The following NGLY1 variants were observed in gnomAD, a reference collection of about 807,000 sequenced individuals.
NGLY1 encodes peptide-N(4)-(N-acetyl-beta-glucosaminyl)asparagine amidase.
Under a neutral mutation model 84.6 loss-of-function variants are expected in NGLY1, and 68 were observed. That is an observed-to-expected ratio of 0.80 (90% CI 0.66 to 0.98). The LOEUF (loss-of-function observed/expected upper bound fraction) is 0.98, where lower values mean the gene tolerates loss of function less well. Ranked by LOEUF, NGLY1 falls within the 50% of genes least tolerant of loss-of-function variation. The probability of loss-of-function intolerance (pLI) is 0.00; values close to 1 mark genes in which losing one functional copy is unlikely to be tolerated. For synonymous variants in NGLY1, 280 were observed against 275.2 expected (o/e 1.02, Z -0.17); for missense variants, 779 against 770.2 (o/e 1.01, Z -0.14).
exon 1 of NGLY1, chr3:25,790,037 A>C (rs1708692236): frequency 1.3e-6 from 1 of 780,354 alleles, no homozygotes; most frequent in East Asian, 2.7e-5. Context: ...TGCGTGGGAA[A>C]GCGCATGAGC....
chr3:25,720,245 T>C (rs1161601763), intron 10 of NGLY1, 54 bp from the exon 11 acceptor site: 14 of 1,421,264 alleles, frequency 9.9e-6, no homozygotes, highest in Middle Eastern at 1.8e-4. Flanking sequence ...TGAAATAGTA[T>C]AGAAAACAAA....
At chr3:25,758,300 G>A (rs1214292728) in intron 3 of NGLY1, among the ~76,000 whole-genome samples, 1 of 152,164 alleles carries the variant, frequency 6.6e-6, no homozygotes, top group African/African-American at 2.4e-5. Flanking sequence ...TTTTGGTGGA[G>A]CATGGTGGCT....
intron 2 of NGLY1, among the ~76,000 whole-genome samples, chr3:25,766,135 G>A (rs143687495): frequency 0.014 from 2,077 of 149,854 alleles, 53 homozygotes; most frequent in Non-Finnish European, 0.014. Context: ...GTGTGATCTC[G>A]GCTCACTGCA....
At chr3:25,731,158 T>C (rs1393292927) in intron 9 of NGLY1, among the ~76,000 whole-genome samples, 1 of 152,078 alleles carries the variant, frequency 6.6e-6, no homozygotes, top group Non-Finnish European at 1.5e-5. Context: ...ATCAGATATA[T>C]GCAAGCATAT....
chr3:25,768,821 C>A (rs908185808), intron 2 of NGLY1, among the ~76,000 whole-genome samples: 5 of 151,532 alleles, frequency 3.3e-5, no homozygotes, highest in African/African-American at 1.2e-4. Flanking sequence ...GGATTACAGG[C>A]GTGAGCCACG....
intron 3 of NGLY1, among the ~76,000 whole-genome samples, chr3:25,759,435 G>A (rs1464076619): frequency 6.6e-6 from 1 of 151,864 alleles, no homozygotes; most frequent in Non-Finnish European, 1.5e-5. Flanking sequence ...TACCAAGAAG[G>A]TAAGAATTCA....
intron 10 of NGLY1, among the ~76,000 whole-genome samples, chr3:25,721,768 AAAAAAAG>A (rs1205938917): frequency 3.1e-4 from 46 of 150,800 alleles, no homozygotes; most frequent in Non-Finnish European, 5.5e-4. Context: ...AAAAAAAAAA[AAAAAAAG>A]AAAAGAAAAA....
intron 10 of NGLY1, among the ~76,000 whole-genome samples, chr3:25,727,644 G>A (rs755113174): frequency 5.3e-5 from 8 of 152,124 alleles, no homozygotes; most frequent in Non-Finnish European, 7.4e-5. Flanking sequence ...CTTTTAGATC[G>A]TGAGGTCAGG....
intron 5 of NGLY1, 129 bp downstream of exon 5, chr3:25,739,448 G>T (rs968127933): frequency 6.8e-6 from 6 of 883,058 alleles, no homozygotes; most frequent in Non-Finnish European, 1.0e-5. Flanking sequence ...TGCCAGCCAC[G>T]GTTTGCTCAC....
intron 8 of NGLY1, among the ~76,000 whole-genome samples, chr3:25,733,158 G>T (rs867906405): frequency 6.6e-6 from 1 of 152,124 alleles, no homozygotes; most frequent in African/African-American, 2.4e-5. Flanking sequence ...TTCAGGTAGA[G>T]ATCTCCGAAG....
chr3:25,735,962 T>C (rs779639369), intron 7 of NGLY1, 42 bp downstream of exon 7: 1 of 1,498,630 alleles, frequency 6.7e-7, no homozygotes, highest in Non-Finnish European at 9.0e-7. Context: ...GAAAAAAATA[T>C]ATTTTACTTT....
At chr3:25,776,771 A>T (rs760900571) in intron 2 of NGLY1, among the ~76,000 whole-genome samples, 1 of 152,202 alleles carries the variant, frequency 6.6e-6, no homozygotes, top group Non-Finnish European at 1.5e-5. Context: ...AATCACCAGT[A>T]AGTCCTGTTG....
intron 2 of NGLY1, among the ~76,000 whole-genome samples, chr3:25,766,389 G>C (rs1233806450): frequency 1.3e-5 from 2 of 152,056 alleles, no homozygotes; most frequent in Non-Finnish European, 2.9e-5. Context: ...AAAATACAAA[G>C]GCTCAGGGAA....
At chr3:25,738,607 T>C (rs1252632648) in intron 5 of NGLY1, among the ~76,000 whole-genome samples, 1 of 152,044 alleles carries the variant, frequency 6.6e-6, no homozygotes, top group Non-Finnish European at 1.5e-5. Flanking sequence ...TAAATGAATT[T>C]ATAACTTAGG....
At chr3:25,742,331 G>A (rs573796271) in intron 4 of NGLY1, among the ~76,000 whole-genome samples, 2 of 152,208 alleles carry the variant, frequency 1.3e-5, no homozygotes, top group South Asian at 4.1e-4. Flanking sequence ...CATCAATAGG[G>A]AATTGTATAA....
intron 1 of NGLY1, among the ~76,000 whole-genome samples, chr3:25,779,202 G>T (rs926912825): frequency 6.6e-6 from 1 of 152,036 alleles, no homozygotes; most frequent in African/African-American, 2.4e-5. Flanking sequence ...CTCCCAAAGT[G>T]CTGGGGATTA....
chr3:25,726,267 T>C (rs1260246393), intron 10 of NGLY1, among the ~76,000 whole-genome samples: 1 of 152,196 alleles, frequency 6.6e-6, no homozygotes, highest in African/African-American at 2.4e-5. Context: ...AAACACTTAC[T>C]ATGTATCGGG....
intron 5 of NGLY1, among the ~76,000 whole-genome samples, chr3:25,738,285 T>C (rs1575620875): frequency 6.6e-6 from 1 of 152,252 alleles, no homozygotes; most frequent in Admixed American, 6.5e-5. Context: ...ATCATTTTGA[T>C]TAAAATTTTA....
chr3:25,754,864 G>T, intron 3 of NGLY1: 7 of 579,368 alleles, frequency 1.2e-5, no homozygotes, highest in African/African-American at 3.9e-5. Flanking sequence ...ACCATGAAAT[G>T]ACCAACTAAG....
Sources: allele counts gnomAD v4.1 joint callset (sites outside exome capture counted in the v4.1 genomes callset), GRCh38; gene constraint gnomAD v4.1.1; transcripts MANE v1.5; gene names NCBI Gene and HGNC (gene_info 2026-07-23, HGNC 2026-07-21).